MBD5: variants seen among roughly 807,000 people sequenced by gnomAD.
MBD5 encodes the protein methyl-CpG binding domain protein 5.
In MBD5, 13 loss-of-function variants were observed where a neutral mutation model predicts 117.3. The ratio of observed to expected loss-of-function variants is 0.11; its 90% CI spans 0.07 to 0.18. The LOEUF (loss-of-function observed/expected upper bound fraction) is 0.18, where lower values mean the gene tolerates loss of function less well. Ranked by LOEUF, MBD5 falls within the 10% of genes least tolerant of loss-of-function variation. The pLI is 1.00. For synonymous variants in MBD5, 727 were observed against 766.4 expected (o/e 0.95, Z 0.85); for missense variants, 1,879 against 2,093.8 (o/e 0.90, Z 2.00).
chr2:148,051,296 T>C (rs904998540), intron 1 of MBD5, among the ~76,000 whole-genome samples: 2 of 149,060 alleles, frequency 1.3e-5, no homozygotes, highest in Admixed American at 6.8e-5. Flanking sequence ...CAGACCTTAT[T>C]AGCTCTAAAA....
intron 4 of MBD5, among the ~76,000 whole-genome samples, chr2:148,386,711 T>G (rs1416299946): frequency 1.2e-5 from 1 of 86,110 alleles, no homozygotes; most frequent in South Asian, 4.6e-4. Context: ...AGAGCGAGAC[T>G]CCGTCTCAAA....
intron 1 of MBD5, among the ~76,000 whole-genome samples, chr2:148,099,047 C>T (rs1280944623): frequency 6.6e-6 from 1 of 151,912 alleles, no homozygotes; most frequent in African/African-American, 2.4e-5. Context: ...AGAGCAAGAC[C>T]TCATCTCAAA....
At position 148,464,062 on chromosome 2, in the gene MBD5, AC is replaced by A. The variant is rs1219913646; in HGVS notation, c.397+144del. 11 of 886,066 alleles carry A rather than the reference AC, an allele frequency of 1.2e-5. No homozygotes were observed. The African/African-American group carries it at 1.9e-4, about 15-fold the overall frequency. 54.9% of individuals were successfully genotyped at this position (886,066 alleles called of 1,614,324 possible). A position where few individuals can be genotyped will look rare whatever the true frequency, so the allele number is the denominator to read the frequency against. ...ATTCTGTATGTCCTGTAATTTTATT[AC>A]AAATAGCAAACTAGTTCTGAAAAAA... On this transcript the variant is annotated intron_variant, in intron 7 of 13. Transcript: ENST00000642680.
At chr2:148,288,888 A>G (rs759521529) in intron 3 of MBD5, among the ~76,000 whole-genome samples, 2 of 152,196 alleles carry the variant, frequency 1.3e-5, no homozygotes, top group Non-Finnish European at 2.9e-5. Context: ...TGTTTTCTAT[A>G]TATTTAGTAA....
chr2:148,242,377 C>T (rs201657945), intron 3 of MBD5, among the ~76,000 whole-genome samples: 24 of 150,262 alleles, frequency 1.6e-4, no homozygotes, highest in African/African-American at 4.1e-4. Context: ...ATTACACACA[C>T]ATATATATAT....
At position 148,458,249 on chromosome 2, in the gene MBD5, A is replaced by C. The variant is rs1226771874; in HGVS notation, c.-510A>C. On this transcript the variant is annotated 5_prime_UTR_variant, in exon 5 of 14. Transcript: ENST00000642680. ...AGTCATGAAAACATCAGATGAACCA[A>C]CCTGCAACACCTTGGATTCAGATTG... 3 of 403,870 alleles carry C rather than the reference A, an allele frequency of 7.4e-6. No homozygotes were observed. Among genetic ancestry groups the C allele is most frequent in the Non-Finnish European group, 1.3e-5 (3 of 228,890 alleles). 25.0% of individuals were successfully genotyped at this position (403,870 alleles called of 1,614,324 possible).
intron 1 of MBD5, among the ~76,000 whole-genome samples, chr2:148,158,084 A>T (rs1697916835): frequency 6.6e-6 from 1 of 152,182 alleles, no homozygotes; most frequent in South Asian, 2.1e-4. Flanking sequence ...ATATGCTAGC[A>T]TTAATTAGAA....
At chr2:148,180,111 T>G (rs1158276043) in intron 2 of MBD5, among the ~76,000 whole-genome samples, 1 of 151,696 alleles carries the variant, frequency 6.6e-6, no homozygotes, top group Non-Finnish European at 1.5e-5. Context: ...GGTTAACTGT[T>G]TAATGATTTT....
rs70995314 is a variant in MBD5, at chr2:148,389,251, C to CATAT, written c.-557+46965_-557+46968dup. ...ATGTGATATAAATAGGAAAAAAAAACATATATATATATATATATATATATA... is the reference window on the plus strand; with the variant it reads ...ATGTGATATAAATAGGAAAAAAAAACATATATATATATATATATATATATATATA... On this transcript the variant is annotated intron_variant, in intron 4 of 13. Transcript: ENST00000642680. 6.1e-3 allele frequency among the ~76,000 whole-genome samples: 195 copies of CATAT among 32,220 alleles called. 4 individuals are homozygous for CATAT. Among genetic ancestry groups the CATAT allele is most frequent in the Non-Finnish European group, 8.0e-3 (118 of 14,728 alleles). The allele number at this position is 32,220 out of a possible 152,430, so 21.1% of individuals were successfully genotyped here.
chr2:148,105,640 C>T (rs142180508), intron 1 of MBD5, among the ~76,000 whole-genome samples: 21 of 152,004 alleles, frequency 1.4e-4, no homozygotes, highest in African/African-American at 5.1e-4. Flanking sequence ...TTTCAGGGCC[C>T]GCTTTTAGCT....
In MBD5 at chr2:148,098,315, G is replaced by A. The variant is rs538094810; in HGVS notation, c.-925+76631G>A. Reference sequence around the variant, plus strand: ...AGTATTCTTTTGGATTGGCAGTAGCGGAAAGGGTTACATGAGAGAAAGGGA... The same window carrying A: ...AGTATTCTTTTGGATTGGCAGTAGCAGAAAGGGTTACATGAGAGAAAGGGA... On this transcript the variant is annotated intron_variant, in intron 1 of 13. Transcript: ENST00000642680. 8.5e-5 allele frequency among the ~76,000 whole-genome samples: 13 copies of A among 152,254 alleles called. No individual in the cohort carries two copies. In the East Asian group the frequency reaches 1.3e-3, roughly 16 times the overall value.
intron 4 of MBD5, chr2:148,447,553 A>G (rs1208492836): frequency 6.6e-6 from 1 of 152,150 alleles, no homozygotes; most frequent in Non-Finnish European, 1.5e-5. Flanking sequence ...ATCTCAAGGT[A>G]CTTTCTATTC....
intron 2 of MBD5, among the ~76,000 whole-genome samples, chr2:148,198,737 A>G (rs984230099): frequency 1.2e-4 from 18 of 152,042 alleles, no homozygotes; most frequent in Admixed American, 1.2e-3. Context: ...AGTACATTCC[A>G]TCTACCTATG....
At chr2:148,194,922 C>T (rs1457150027) in intron 2 of MBD5, among the ~76,000 whole-genome samples, 1 of 152,040 alleles carries the variant, frequency 6.6e-6, no homozygotes, top group Non-Finnish European at 1.5e-5. Flanking sequence ...TTTCATCAGA[C>T]TGATAAAAAC....
At chr2:148,183,394 C>G (rs752459233) in intron 2 of MBD5, among the ~76,000 whole-genome samples, 31 of 151,904 alleles carry the variant, frequency 2.0e-4, no homozygotes, top group Non-Finnish European at 3.2e-4. Flanking sequence ...GACACACTAA[C>G]AAAAATAAAT....
chr2:148,198,696 A>G (rs1699056250), intron 2 of MBD5, among the ~76,000 whole-genome samples: 1 of 152,096 alleles, frequency 6.6e-6, no homozygotes, highest in Non-Finnish European at 1.5e-5. Flanking sequence ...ATAAATGTTC[A>G]TATGATAACT....
At chr2:148,022,365 C>A (rs557073890) in intron 1 of MBD5, among the ~76,000 whole-genome samples, 1 of 152,046 alleles carries the variant, frequency 6.6e-6, no homozygotes, top group Admixed American at 6.6e-5. Context: ...ATGTCTGTTT[C>A]ATATATCAGT....
intron 8 of MBD5, chr2:148,471,593 A>T (rs994893285): frequency 2.6e-5 from 4 of 152,136 alleles, no homozygotes; most frequent in African/African-American, 9.6e-5. Context: ...TGTTGCTGAT[A>T]GTAAAAGCGT....
intron 3 of MBD5, among the ~76,000 whole-genome samples, chr2:148,266,123 C>T (rs1267194832): frequency 1.3e-5 from 2 of 152,080 alleles, no homozygotes; most frequent in African/African-American, 4.8e-5. Flanking sequence ...CACATGGAAA[C>T]TTCAATGCAG....
Sources: gnomAD v4.1 joint callset for allele counts (sites outside exome capture counted in the v4.1 genomes callset) on GRCh38, gnomAD v4.1.1 for gene constraint, MANE v1.5 for transcripts, NCBI Gene and HGNC (gene_info 2026-07-23, HGNC 2026-07-21) for gene names.